The following PCDH11X variants were observed in gnomAD, a reference collection of about 807,000 sequenced individuals.
The protein encoded by PCDH11X is protocadherin-11 X-linked.
Under a neutral mutation model 53.3 loss-of-function variants are expected in PCDH11X, and 18 were observed. The observed-to-expected ratio is 0.34, with a 90% CI of 0.23 to 0.50. PCDH11X has a LOEUF of 0.50. Ranked by LOEUF, PCDH11X falls within the 20% of genes least tolerant of loss-of-function variation. The pLI is 0.98. For missense variants in PCDH11X, 570 were observed against 1,032.4 expected, an observed-to-expected ratio of 0.55 and a Z score of 6.14; for synonymous variants, 279 against 393.3, an observed-to-expected ratio of 0.71 and a Z score of 3.44.
At chrX:92,440,511 C>T (rs1016756485) in intron 9 of PCDH11X, among the ~76,000 whole-genome samples, 6 of 108,287 alleles carry the variant, frequency 5.5e-5, no homozygotes, top group African/African-American at 2.0e-4. Context: ...AGGACCTTCC[C>T]ATGCTGTGCT....
chrX:92,155,617 CTTTTTTTT>C (rs775178966), intron 6 of PCDH11X, among the ~76,000 whole-genome samples: 3 of 79,783 alleles, frequency 3.8e-5, no homozygotes, highest in Non-Finnish European at 6.7e-5. Flanking sequence ...ACTTCAATAG[CTTTTTTTT>C]TTTTTTTTTT....
intron 7 of PCDH11X, among the ~76,000 whole-genome samples, chrX:92,219,131 T>A (rs192469064): frequency 9.0e-6 from 1 of 110,682 alleles, no homozygotes; most frequent in Non-Finnish European, 1.9e-5. Flanking sequence ...CTTTGAAAAC[T>A]GGCACAAGAC....
At position 91,990,345 on chromosome X, in the gene PCDH11X, AT is replaced by A. The variant is rs61496530; in HGVS notation, c.3033+111083del. On this transcript the variant is annotated intron_variant, in intron 6 of 10. Coordinates refer to ENST00000682573, the MANE Select transcript of PCDH11X (RefSeq NM_032968.5). The stretch of plus-strand genomic sequence containing the variant: ...TTCCATATCTTTGCAGAAACTTTCT[AT>A]TTTTTTTTTTCATTTGTTTCAATGT... 2.1e-3 allele frequency among the ~76,000 whole-genome samples: 187 copies of A among 90,367 alleles called. 1 individual carries two copies. Among genetic ancestry groups the A allele is most frequent in the East Asian group, 3.9e-3 (11 of 2,800 alleles). The allele number at this position is 90,367 out of a possible 115,157, so 78.5% of individuals were successfully genotyped here. A position where few individuals can be genotyped will look rare whatever the true frequency, so the allele number is the denominator to read the frequency against.
At chrX:91,916,238 A>C (rs1941558829) in intron 6 of PCDH11X, among the ~76,000 whole-genome samples, 1 of 111,398 alleles carries the variant, frequency 9.0e-6, no homozygotes, top group African/African-American at 3.3e-5. Context: ...AAAGAGCACA[A>C]ATAGACGATC....
At chrX:91,813,503 C>A (rs746386034) in intron 4 of PCDH11X, among the ~76,000 whole-genome samples, 1,297 of 103,232 alleles carry the variant, frequency 0.013, 12 homozygotes, top group Middle Eastern at 0.034. Flanking sequence ...GATGTTGGCT[C>A]GGCTGAAGAG....
intron 6 of PCDH11X, among the ~76,000 whole-genome samples, chrX:92,181,917 G>T (rs905980705): frequency 1.8e-5 from 2 of 112,518 alleles, no homozygotes; most frequent in African/African-American, 6.5e-5. Context: ...AATATTGGGT[G>T]GGTGCCCCCA....
chrX:92,465,667 A>G (rs1274474239), intron 9 of PCDH11X, among the ~76,000 whole-genome samples: 1 of 111,498 alleles, frequency 9.0e-6, no homozygotes, highest in Non-Finnish European at 1.9e-5. Context: ...GCTCATATTT[A>G]GTACTTAAAA....
intron 6 of PCDH11X, among the ~76,000 whole-genome samples, chrX:91,984,937 G>C (rs1288233720): frequency 6.3e-5 from 7 of 111,205 alleles, no homozygotes; most frequent in Non-Finnish European, 1.1e-4. Context: ...CCTTGCAATT[G>C]AATCACAGGC....
Position 91,918,587 on chromosome X carries a change from G to C in PCDH11X, c.3033+39314G>C, listed in dbSNP as rs149422262. Among the ~76,000 whole-genome samples the C allele has an allele frequency of 9.9e-5, 11 of 110,809 alleles. No individual in the cohort carries two copies. In the East Asian group the frequency reaches 3.1e-3, roughly 32 times the overall value. On this transcript the variant is annotated intron_variant, in intron 6 of 10. Coordinates refer to ENST00000682573, the MANE Select transcript of PCDH11X (RefSeq NM_032968.5). Reference sequence around the variant, plus strand: ...TAGACTAAGATGTTGTTGATTGAGAGACAGTGTACTTGATCTAAAATCTGT... The same window carrying C: ...TAGACTAAGATGTTGTTGATTGAGACACAGTGTACTTGATCTAAAATCTGT...
At chrX:92,411,405 G>A (rs1005752250) in intron 9 of PCDH11X, among the ~76,000 whole-genome samples, 3 of 110,368 alleles carry the variant, frequency 2.7e-5, no homozygotes, top group Non-Finnish European at 3.8e-5. Flanking sequence ...TTAAGTATTT[G>A]TCCTAATGCT....
At chrX:92,505,253 C>T (rs1300110215) in intron 10 of PCDH11X, among the ~76,000 whole-genome samples, 4 of 51,796 alleles carry the variant, frequency 7.7e-5, no homozygotes, top group African/African-American at 1.6e-4. Context: ...CTTTCGGTGT[C>T]TTCATCATTA....
At chrX:92,411,499 A>G (rs1376653506) in intron 9 of PCDH11X, among the ~76,000 whole-genome samples, 1 of 107,230 alleles carries the variant, frequency 9.3e-6, no homozygotes, top group African/African-American at 3.4e-5. Flanking sequence ...TCATTGTTCA[A>G]CTCCCACTTA....
chrX:92,263,975 A>G (rs2067932061), intron 8 of PCDH11X, among the ~76,000 whole-genome samples: 1 of 112,165 alleles, frequency 8.9e-6, no homozygotes, highest in South Asian at 3.7e-4. Context: ...GACGTTTTGA[A>G]TATTAAATTC....
At chrX:92,532,484 G>A (rs1275430605) in intron 10 of PCDH11X, among the ~76,000 whole-genome samples, 1 of 108,307 alleles carries the variant, frequency 9.2e-6, no homozygotes, top group East Asian at 2.9e-4. Context: ...GAATAAATTA[G>A]GAAAGAGTAG....
intron 10 of PCDH11X, among the ~76,000 whole-genome samples, chrX:92,591,588 A>G (rs1925038119): frequency 9.0e-6 from 1 of 111,556 alleles, no homozygotes; most frequent in Non-Finnish European, 1.9e-5. Flanking sequence ...AAAACTAGAT[A>G]AAGGTTTCTT....
At chrX:92,037,170 G>A (rs997883304) in intron 6 of PCDH11X, among the ~76,000 whole-genome samples, 5 of 110,761 alleles carry the variant, frequency 4.5e-5, no homozygotes, top group African/African-American at 1.3e-4. Flanking sequence ...TCTAAGCCTC[G>A]CATGCATTAG....
Position 92,621,455 on chromosome X carries a change from A to C in PCDH11X, c.*2515A>C, listed in dbSNP as rs1223788987. ...TTATAATCAGACTTAGATTGTGTTT[A>C]GAATATTAAATGACTGGGCACCCTC... On this transcript the variant is annotated 3_prime_UTR_variant, in exon 11 of 11. Coordinates refer to ENST00000682573, the MANE Select transcript of PCDH11X (RefSeq NM_032968.5). 2 of 109,474 alleles carry C rather than the reference A, an allele frequency of 1.8e-5. No individual in the cohort carries two copies. The highest frequency in any genetic ancestry group is 3.8e-5 in the Non-Finnish European group (2 of 52,616). The allele number at this position is 109,474 out of a possible 1,213,427, so 9.0% of individuals were successfully genotyped here.
chrX:92,215,858 T>C (rs1316671906), intron 7 of PCDH11X, among the ~76,000 whole-genome samples: 4 of 108,389 alleles, frequency 3.7e-5, no homozygotes, highest in Non-Finnish European at 7.6e-5. Flanking sequence ...GAGACAAAAC[T>C]TCCAGAGGAA....
rs5984834 is a variant in PCDH11X at position 91,855,756 on chromosome X, T to G, written c.540+19712T>G. Among the ~76,000 whole-genome samples, 3 of 111,063 alleles carry G rather than the reference T, an allele frequency of 2.7e-5. No individual in the cohort carries two copies. The Admixed American group carries it at 2.9e-4, about 11-fold the overall frequency. Reference sequence around the variant, plus strand: ...ATTCCTAGGTATTTAATTTTTTGTGTGGCTATTATAAATGGAAATAATTTT... The same window carrying G: ...ATTCCTAGGTATTTAATTTTTTGTGGGGCTATTATAAATGGAAATAATTTT... On this transcript the variant is annotated intron_variant, in intron 5 of 10. Transcript: ENST00000682573.
Sources: allele counts gnomAD v4.1 joint callset (sites outside exome capture counted in the v4.1 genomes callset), GRCh38; gene constraint gnomAD v4.1.1; transcripts MANE v1.5; gene names NCBI Gene and HGNC (gene_info 2026-07-23, HGNC 2026-07-21).